KIRREL3: variants seen among roughly 807,000 people sequenced by gnomAD.
KIRREL3 encodes kirre like nephrin family adhesion molecule 3, also known as kin of IRRE-like protein 3.
Under a neutral mutation model 89.7 loss-of-function variants are expected in KIRREL3, and 36 were observed. The observed-to-expected ratio is 0.40, with a 90% CI of 0.31 to 0.53. The LOEUF is 0.53. Among genes scored for constraint, KIRREL3 ranks in the 20% least tolerant of loss-of-function variants. KIRREL3 has a pLI of 0.49. For synonymous variants in KIRREL3, 445 were observed against 441.4 expected (o/e 1.01, Z -0.10); for missense variants, 864 against 1,056.6 (o/e 0.82, Z 2.53).
In KIRREL3 at chr11:126,431,406, C is replaced by G; in HGVS notation, c.1696+13G>C. On this transcript the variant is annotated intron_variant, in intron 14 of 16. Coordinates refer to ENST00000525144, the MANE Select transcript of KIRREL3 (RefSeq NM_032531.4). This position sits in a 1 kb window ranked among gnomAD's most constrained non-coding sequence, Gnocchi z 7.1. ...TGTCCCCCTCCCTGAGATCCCGGAT[C>G]TCCCTCCCGTACTTCTCTGGGAACG... The G allele has an allele frequency of 6.2e-7, 1 of 1,613,906 alleles. No individual in the cohort carries two copies. Among genetic ancestry groups the G allele is most frequent in the Non-Finnish European group, 8.5e-7 (1 of 1,179,856 alleles).
chr11:126,896,045 C>T lies in KIRREL3; in HGVS notation c.55+104410G>A, dbSNP rs886320010. ...GGATTATCCCCCATTCATTTCAAAGCACCTTCATCCCACTCAGGGATTACA... is the reference window on the plus strand; with the variant it reads ...GGATTATCCCCCATTCATTTCAAAGTACCTTCATCCCACTCAGGGATTACA... On this transcript the variant is annotated intron_variant, in intron 1 of 16. Coordinates refer to ENST00000525144, the MANE Select transcript of KIRREL3 (RefSeq NM_032531.4). This position sits in a 1 kb window ranked among gnomAD's most constrained non-coding sequence, Gnocchi z 4.1. Among the ~76,000 whole-genome samples the T allele has an allele frequency of 6.6e-6, 1 of 152,230 alleles. No individual in the cohort carries two copies. Among genetic ancestry groups the T allele is most frequent in the African/African-American group, 2.4e-5 (1 of 41,458 alleles).
At position 126,772,859 on chromosome 11, in the gene KIRREL3, C is replaced by G. The variant is rs1950060129; in HGVS notation, c.56-209947G>C. Among the ~76,000 whole-genome samples the G allele has an allele frequency of 6.6e-6, 1 of 152,198 alleles. No homozygotes were observed. Among genetic ancestry groups the G allele is most frequent in the Non-Finnish European group, 1.5e-5 (1 of 68,034 alleles). Reference sequence around the variant, plus strand: ...AGCACCATACCTACTGCATCTGGATCTTCATAATTTGGCCAGAAACCTGCT... The same window carrying G: ...AGCACCATACCTACTGCATCTGGATGTTCATAATTTGGCCAGAAACCTGCT... On this transcript the variant is annotated intron_variant, in intron 1 of 16. Coordinates refer to ENST00000525144, the MANE Select transcript of KIRREL3 (RefSeq NM_032531.4). This position sits in a 1 kb window ranked among gnomAD's most constrained non-coding sequence, Gnocchi z 4.6.
Position 126,860,824 on chromosome 11 carries a change from A to G in KIRREL3, c.55+139631T>C, listed in dbSNP as rs1158481160. Among the ~76,000 whole-genome samples the G allele has an allele frequency of 6.6e-6, 1 of 152,130 alleles. No individual in the cohort carries two copies. Among genetic ancestry groups the G allele is most frequent in the Non-Finnish European group, 1.5e-5 (1 of 68,022 alleles). ...GGCAGAGGTACAAATGCAAGATGGC[A>G]CCCGTGGACACATTGAAAGTTTAGT... On this transcript the variant is annotated intron_variant, in intron 1 of 16. Coordinates refer to ENST00000525144, the MANE Select transcript of KIRREL3 (RefSeq NM_032531.4). This position sits in a 1 kb window ranked among gnomAD's most constrained non-coding sequence, Gnocchi z 4.6.
intron 1 of KIRREL3, among the ~76,000 whole-genome samples, chr11:126,834,596 T>C (rs1943717067): frequency 6.6e-6 from 1 of 152,188 alleles, no homozygotes; most frequent in African/African-American, 2.4e-5. Context: ...AAAAATTATT[T>C]TGAGATGCGA....
intron 1 of KIRREL3, among the ~76,000 whole-genome samples, chr11:126,801,770 T>G (rs1951041670): frequency 6.6e-6 from 1 of 152,152 alleles, no homozygotes; most frequent in Non-Finnish European, 1.5e-5. Context: ...TTAGTTAATA[T>G]TTGTTTGAAA....
Position 126,754,848 on chromosome 11 carries a change from A to T in KIRREL3, c.56-191936T>A, listed in dbSNP as rs1949441324. Among the ~76,000 whole-genome samples, 2 of 152,236 alleles carry T rather than the reference A, an allele frequency of 1.3e-5. No individual in the cohort carries two copies. The highest frequency in any genetic ancestry group is 4.8e-5 in the African/African-American group (2 of 41,464). On this transcript the variant is annotated intron_variant, in intron 1 of 16. Transcript: ENST00000525144. The surrounding 1 kb of genome is among the most constrained non-coding windows in gnomAD (Gnocchi z 5.1). ...TAGGAAATGACTGGTCTCTTTCTCC[A>T]TGGCCAGACATTGATGAAAATTGTA...
At position 126,676,161 on chromosome 11, in the gene KIRREL3, G is replaced by A. The variant is rs565578844; in HGVS notation, c.56-113249C>T. ...GGCCATGTAGGTCTAGAGCTCTGAA[G>A]AGAGACTTCATTAGAGATTACAAGC... is the stretch of plus-strand genomic sequence containing the variant. On this transcript the variant is annotated intron_variant, in intron 1 of 16. Coordinates refer to ENST00000525144, the MANE Select transcript of KIRREL3 (RefSeq NM_032531.4). This position sits in a 1 kb window ranked among gnomAD's most constrained non-coding sequence, Gnocchi z 4.5. Among the ~76,000 whole-genome samples, 1 of 152,300 alleles carries A rather than the reference G, an allele frequency of 6.6e-6. No homozygotes were observed. The highest frequency in any genetic ancestry group is 2.4e-5 in the African/African-American group (1 of 41,546).
At chr11:126,588,506 C>T (rs1279708027) in intron 1 of KIRREL3, among the ~76,000 whole-genome samples, 3 of 152,136 alleles carry the variant, frequency 2.0e-5, no homozygotes, top group South Asian at 2.1e-4. Context: ...AGCCTTGCTG[C>T]GGGCCCTGAG....
rs1243768912 is a variant in KIRREL3 at position 126,508,010 on chromosome 11, G to A, written c.433+13305C>T. 2.0e-5 allele frequency among the ~76,000 whole-genome samples: 3 copies of A among 152,202 alleles called. No homozygotes were observed. Among genetic ancestry groups the A allele is most frequent in the Admixed American group, 1.3e-4 (2 of 15,288 alleles). ...TTTGTGTGCGACAAAGGGGAAGGGA[G>A]CAGTGGGATTGGGGGTAGGGCAGAG... On this transcript the variant is annotated intron_variant, in intron 4 of 16. Coordinates refer to ENST00000525144, the MANE Select transcript of KIRREL3 (RefSeq NM_032531.4). The surrounding 1 kb of genome is among the most constrained non-coding windows in gnomAD (Gnocchi z 4.9).
chr11:126,510,471 T>TCC (rs56232585), intron 4 of KIRREL3, among the ~76,000 whole-genome samples: 17 of 149,480 alleles, frequency 1.1e-4, no homozygotes, highest in African/African-American at 4.2e-4. Flanking sequence ...CTTCCTTCCT[T>TCC]TTTTTTGAGA....
In KIRREL3 at chr11:126,579,802, CCTGT is replaced by C. The variant is rs1463587182; in HGVS notation, c.56-16894_56-16891del. On this transcript the variant is annotated intron_variant, in intron 1 of 16. Coordinates refer to ENST00000525144, the MANE Select transcript of KIRREL3 (RefSeq NM_032531.4). This position sits in a 1 kb window ranked among gnomAD's most constrained non-coding sequence, Gnocchi z 5.3. Reference sequence around the variant, plus strand: ...CCTCTGCGTGATGTTTTTCTGTTCGCCTGTCTGTCTCCTTGAATTGTGAGGTCCT... The same window carrying C: ...CCTCTGCGTGATGTTTTTCTGTTCGCCTGTCTCCTTGAATTGTGAGGTCCT... 2.0e-5 allele frequency among the ~76,000 whole-genome samples: 3 copies of C among 151,962 alleles called. No homozygotes were observed. The highest frequency in any genetic ancestry group is 2.4e-5 in the African/African-American group (1 of 41,366).
At chr11:126,637,490 G>T (rs560617253) in intron 1 of KIRREL3, among the ~76,000 whole-genome samples, 1 of 152,264 alleles carries the variant, frequency 6.6e-6, no homozygotes, top group Admixed American at 6.5e-5. Flanking sequence ...TCCTGCTCAA[G>T]CCTCTGCCTA....
At chr11:126,548,431 T>C (rs972866785) in intron 2 of KIRREL3, among the ~76,000 whole-genome samples, 9 of 152,184 alleles carry the variant, frequency 5.9e-5, no homozygotes, top group African/African-American at 2.2e-4. Context: ...CCAGCAGCAC[T>C]CCACCCATGC....
Position 126,742,167 on chromosome 11 carries a change from C to T in KIRREL3, c.56-179255G>A, listed in dbSNP as rs1430509778. ...CATTTGCATAAGCTTTAAAATAAGC[C>T]TTTAGAACAAATGTAAATGGATCTT... On this transcript the variant is annotated intron_variant, in intron 1 of 16. Transcript: ENST00000525144. The surrounding 1 kb of genome is among the most constrained non-coding windows in gnomAD (Gnocchi z 5.3). 6.6e-6 allele frequency among the ~76,000 whole-genome samples: 1 copy of T among 152,154 alleles called. No individual in the cohort carries two copies. The highest frequency in any genetic ancestry group is 1.9e-4 in the East Asian group (1 of 5,202).
At chr11:126,480,995 A>C (rs1304696059) in intron 4 of KIRREL3, among the ~76,000 whole-genome samples, 3 of 152,212 alleles carry the variant, frequency 2.0e-5, no homozygotes, top group African/African-American at 7.2e-5. Flanking sequence ...TCAGCTTCCC[A>C]GTGGTAGCCG....
rs1055212729 is a variant in KIRREL3 at position 126,636,963 on chromosome 11, A to G, written c.56-74051T>C. Among the ~76,000 whole-genome samples the G allele has an allele frequency of 1.4e-4, 21 of 152,184 alleles. No individual in the cohort carries two copies. Among genetic ancestry groups the G allele is most frequent in the Admixed American group, 1.1e-3 (17 of 15,282 alleles). On this transcript the variant is annotated intron_variant, in intron 1 of 16. Coordinates refer to ENST00000525144, the MANE Select transcript of KIRREL3 (RefSeq NM_032531.4). The surrounding 1 kb of genome is among the most constrained non-coding windows in gnomAD (Gnocchi z 4.4). Reference sequence around the variant, plus strand: ...GACTGAGGGATAAAAAGGCGATGTGAAAGTCCCTAGGAGGGTAGGCACTTA... The same window carrying G: ...GACTGAGGGATAAAAAGGCGATGTGGAAGTCCCTAGGAGGGTAGGCACTTA...
rs952461510 is a variant in KIRREL3 at position 126,890,378 on chromosome 11, T to A, written c.55+110077A>T. On this transcript the variant is annotated intron_variant, in intron 1 of 16. Coordinates refer to ENST00000525144, the MANE Select transcript of KIRREL3 (RefSeq NM_032531.4). This position sits in a 1 kb window ranked among gnomAD's most constrained non-coding sequence, Gnocchi z 5.1. ...AGCTTGGGGCTCAGAGACTGAGCAG[T>A]CCTGCGTGCTCCTGTGGTGGCCTAA... 1.5e-4 allele frequency among the ~76,000 whole-genome samples: 23 copies of A among 152,210 alleles called. No homozygotes were observed. The highest frequency in any genetic ancestry group is 5.3e-4 in the African/African-American group (22 of 41,456).
rs546708168 is a variant in KIRREL3 at position 126,993,724 on chromosome 11, T to A, written c.55+6731A>T. On this transcript the variant is annotated intron_variant, in intron 1 of 16. Transcript: ENST00000525144. This position sits in a 1 kb window ranked among gnomAD's most constrained non-coding sequence, Gnocchi z 6.1. ...AGTGGTCAAGGGCTGAGCCTTAGTG[T>A]CATAAAATGGTATTTGATCACAAAG... Among the ~76,000 whole-genome samples, 12 of 152,302 alleles carry A rather than the reference T, an allele frequency of 7.9e-5. No individual in the cohort carries two copies. The East Asian group carries it at 2.3e-3, about 29-fold the overall frequency.
rs148646296 is a variant in KIRREL3 at position 126,519,720 on chromosome 11, C to T, written c.433+1595G>A. Among the ~76,000 whole-genome samples the T allele has an allele frequency of 8.3e-4, 126 of 152,272 alleles. No homozygotes were observed. Among genetic ancestry groups the T allele is most frequent in the Non-Finnish European group, 1.5e-3 (102 of 68,022 alleles). On this transcript the variant is annotated intron_variant, in intron 4 of 16. Transcript: ENST00000525144. This position sits in a 1 kb window ranked among gnomAD's most constrained non-coding sequence, Gnocchi z 4.3. Reference sequence around the variant, plus strand: ...GCCATCTCTGAAGATGAGGAGCCTACAACTTAGCAAATCTGTTCTGGCATT... The same window carrying T: ...GCCATCTCTGAAGATGAGGAGCCTATAACTTAGCAAATCTGTTCTGGCATT...
Sources: gnomAD v4.1 joint callset for allele counts (sites outside exome capture counted in the v4.1 genomes callset) on GRCh38, gnomAD v4.1.1 for gene constraint, Gnocchi (gnomAD v3.1) non-coding constraint, MANE v1.5 for transcripts, NCBI Gene and HGNC (gene_info 2026-07-23, HGNC 2026-07-21) for gene names.